Variants in EVC observed in about 807,000 individuals in gnomAD.
The protein encoded by EVC is evC complex member EVC.
EVC carries 116 observed loss-of-function variants against 118.9 expected under a neutral mutation model. The observed-to-expected ratio is 0.98, with a 90% CI of 0.84 to 1.14. The LOEUF is 1.14. Among genes scored for constraint, EVC ranks in the 50% most tolerant of loss-of-function variants. EVC has a pLI of 0.00. For synonymous variants in EVC, 619 were observed against 534.7 expected, an observed-to-expected ratio of 1.16 and a Z score of -2.18; for missense variants, 1,401 against 1,246.4, an observed-to-expected ratio of 1.12 and a Z score of -1.87.
Position 5,797,530 on chromosome 4 carries a change from C to T in EVC, c.2097+298C>T. The T allele has an allele frequency of 9.7e-6, 5 of 513,662 alleles. No individual in the cohort carries two copies. The South Asian group carries it at 1.0e-4, about 11-fold the overall frequency. The allele number at this position is 513,662 out of a possible 1,614,324, so 31.8% of individuals were successfully genotyped here. A position where few individuals can be genotyped will look rare whatever the true frequency, so the allele number is the denominator to read the frequency against. Reference sequence around the variant, plus strand: ...GATGACTGTCTTCAACCTGTGTCCTCCAGGTCCTTCCTCTGTGGGTGTCCC... The same window carrying T: ...GATGACTGTCTTCAACCTGTGTCCTTCAGGTCCTTCCTCTGTGGGTGTCCC... On this transcript the variant is annotated intron_variant, in intron 14 of 20. Coordinates refer to ENST00000264956, the MANE Select transcript of EVC (RefSeq NM_153717.3).
the EVC span, chr4:5,828,104 G>C: frequency 3.0e-6 from 3 of 985,432 alleles, no homozygotes; most frequent in Non-Finnish European, 3.6e-6. Flanking sequence ...TTTCTGAGCC[G>C]TGACTCTGGC....
rs1263330963 is a variant in EVC at position 5,798,831 on chromosome 4, A to G, written c.2304+39A>G. On this transcript the variant is annotated intron_variant, in intron 15 of 20. Transcript: ENST00000264956. This position sits in a 1 kb window ranked among gnomAD's most constrained non-coding sequence, Gnocchi z 4.1. Reference sequence around the variant, plus strand: ...TCTGTCCCTGGGGACACCGAGGGCAAGAATGTTCAGGGTAGGGTCCATGCC... The same window carrying G: ...TCTGTCCCTGGGGACACCGAGGGCAGGAATGTTCAGGGTAGGGTCCATGCC... 3.1e-6 allele frequency: 5 copies of G among 1,590,352 alleles called. No homozygotes were observed. Among genetic ancestry groups the G allele is most frequent in the African/African-American group, 1.3e-5 (1 of 74,530 alleles).
At chr4:5,805,496 C>T (rs779477409) in intron 17 of EVC, among the ~76,000 whole-genome samples, 6 of 152,212 alleles carry the variant, frequency 3.9e-5, no homozygotes, top group Non-Finnish European at 7.3e-5. Flanking sequence ...CCCTAACTTT[C>T]CAGGCTCCCA....
At chr4:5,778,069 A>G (rs1438427250) in intron 11 of EVC, among the ~76,000 whole-genome samples, 3 of 145,482 alleles carry the variant, frequency 2.1e-5, no homozygotes, top group African/African-American at 5.1e-5. Flanking sequence ...TTTCCCACCT[A>G]TGAGTGAGAA....
chr4:5,809,438 C>G, intron 18 of EVC, 80 bp from the exon 19 acceptor site: 1 of 1,281,162 alleles, frequency 7.8e-7, no homozygotes, highest in South Asian at 1.2e-5. Flanking sequence ...CCTCAAGTGT[C>G]AGAATTCACT....
chr4:5,783,432 C>T (rs1735932672), intron 11 of EVC, 120 bp from the exon 12 acceptor site: 2 of 948,194 alleles, frequency 2.1e-6, no homozygotes, highest in Non-Finnish European at 3.4e-6. Flanking sequence ...CTTGAGAGTT[C>T]CTGTCTGTGG....
Position 5,793,656 on chromosome 4 carries a change from C to G in EVC, c.1825C>G (p.Arg609Gly). The G allele has an allele frequency of 6.4e-7, 1 of 1,553,010 alleles. No individual in the cohort carries two copies. Among genetic ancestry groups the G allele is most frequent in the Non-Finnish European group, 8.7e-7 (1 of 1,147,958 alleles). Residue 609 changes from arginine (R) to glycine (G), a missense_variant, in exon 13 of 21, where the codon CGG (arginine) becomes GGG (glycine). Arg to Gly is a moderately radical substitution (Grantham distance 125). Coordinates refer to ENST00000264956, the MANE Select transcript of EVC (RefSeq NM_153717.3). The stretch of plus-strand genomic sequence containing the variant: ...GTCCAGCGTGCTGCAGACACACCTG[C>G]GGGAGGACCACGAGGGCACCATCCG... ...ALSSVLQTHLREDHEGTIRGV... is the reference protein window; with the variant it reads ...ALSSVLQTHLGEDHEGTIRGV...
At chr4:5,827,663 CACACATACACACGTGCATGCATGT>C in the EVC span, among the ~76,000 whole-genome samples, 43 of 152,130 alleles carry the variant, frequency 2.8e-4, no homozygotes, top group African/African-American at 1.0e-3. Context: ...TCCCCATATG[CACACATACACACGTGCATGCATGT>C]ACACATGCAC....
intron 17 of EVC, among the ~76,000 whole-genome samples, chr4:5,807,716 C>G (rs184108591): frequency 6.6e-6 from 1 of 152,218 alleles, no homozygotes; most frequent in East Asian, 1.9e-4. Flanking sequence ...TCTCATTTTA[C>G]GAGGGAGGGG....
chr4:5,824,443 A>G, the EVC span: 32 of 985,258 alleles, frequency 3.2e-5, no homozygotes, highest in Non-Finnish European at 3.6e-5. Context: ...CTGAATGGAT[A>G]AGAGGTTCTG....
At chr4:5,801,200 C>T (rs1002646781) in intron 15 of EVC, among the ~76,000 whole-genome samples, 19 of 152,210 alleles carry the variant, frequency 1.2e-4, no homozygotes, top group Admixed American at 6.5e-4. Context: ...CCCAGGCTGC[C>T]ACATTGGCTT....
Position 5,731,715 on chromosome 4 carries a change from G to A in EVC, c.617+58G>A, listed in dbSNP as rs1726856825. 38 of 1,493,478 alleles carry A rather than the reference G, an allele frequency of 2.5e-5. No homozygotes were observed. In the South Asian group the frequency reaches 4.3e-4, roughly 17 times the overall value. 92.5% of individuals were successfully genotyped at this position (1,493,478 alleles called of 1,614,324 possible). A position where few individuals can be genotyped will look rare whatever the true frequency, so the allele number is the denominator to read the frequency against. On this transcript the variant is annotated intron_variant, in intron 4 of 20. Coordinates refer to ENST00000264956, the MANE Select transcript of EVC (RefSeq NM_153717.3). The surrounding 1 kb of genome is among the most constrained non-coding windows in gnomAD (Gnocchi z 5.6). ...CCAGTCCTCTTGGAGTGGGCCGGGAGTCACATCATTGTCAGAGGAGGAAAC... is the reference window on the plus strand; with the variant it reads ...CCAGTCCTCTTGGAGTGGGCCGGGAATCACATCATTGTCAGAGGAGGAAAC...
In EVC at chr4:5,743,620, G is replaced by C. The variant is rs1728936210; in HGVS notation, c.802-1584G>C. Among the ~76,000 whole-genome samples, 1 of 152,064 alleles carries C rather than the reference G, an allele frequency of 6.6e-6. No homozygotes were observed. The highest frequency in any genetic ancestry group is 2.4e-5 in the African/African-American group (1 of 41,402). Reference sequence around the variant, plus strand: ...TACCACTGTGAGATCTGGGGGTTTGGGAAGGAATGTTTCTTCTTTACTCCA... The same window carrying C: ...TACCACTGTGAGATCTGGGGGTTTGCGAAGGAATGTTTCTTCTTTACTCCA... On this transcript the variant is annotated intron_variant, in intron 6 of 20. Transcript: ENST00000264956. The surrounding 1 kb of genome is among the most constrained non-coding windows in gnomAD (Gnocchi z 4.7).
At chr4:5,799,140 C>G (rs1653107153) in intron 15 of EVC, among the ~76,000 whole-genome samples, 1 of 152,178 alleles carries the variant, frequency 6.6e-6, no homozygotes, top group Non-Finnish European at 1.5e-5. Context: ...CCAAATCCCT[C>G]TCTCAGAAAG....
At chr4:5,795,371 G>C (rs1346646278) in intron 13 of EVC, among the ~76,000 whole-genome samples, 2 of 152,140 alleles carry the variant, frequency 1.3e-5, no homozygotes, top group Non-Finnish European at 2.9e-5. Context: ...GAGGATGGAG[G>C]CTGGGTGTGG....
At chr4:5,790,810 G>T (rs982081719) in intron 12 of EVC, among the ~76,000 whole-genome samples, 3 of 152,142 alleles carry the variant, frequency 2.0e-5, no homozygotes, top group African/African-American at 7.2e-5. Flanking sequence ...TTATAGTAAT[G>T]AGGCTGGGAG....
chr4:5,745,329 G>A lies in EVC; in HGVS notation c.927G>A (p.Gln309=). 1 of 1,614,016 alleles carries A rather than the reference G, an allele frequency of 6.2e-7. No individual in the cohort carries two copies. The highest frequency in any genetic ancestry group is 1.1e-5 in the South Asian group (1 of 91,086). ...AGAAGGAGAGAGAATACTCTGAACAGCTAATCGATAATGTGCGTGCCAGAC... is the reference window on the plus strand; with the variant it reads ...AGAAGGAGAGAGAATACTCTGAACAACTAATCGATAATGTGCGTGCCAGAC... ...VEKKEREYSE[Q]LIDNMEAFWK... Residue 309 remains glutamine (Q), a synonymous_variant, in exon 7 of 21, where the codon CAG becomes CAA. Transcript: ENST00000264956.
chr4:5,797,333 T>A, intron 14 of EVC, 101 bp downstream of exon 14: 1 of 1,026,236 alleles, frequency 9.7e-7, no homozygotes, highest in South Asian at 1.4e-5. Context: ...CCTATCACCC[T>A]TGGTGCTGCA....
At position 5,719,798 on chromosome 4, in the gene EVC, C is replaced by T. The variant is rs1374624499; in HGVS notation, c.300+425C>T. 6.6e-6 allele frequency among the ~76,000 whole-genome samples: 1 copy of T among 152,126 alleles called. No individual in the cohort carries two copies. The highest frequency in any genetic ancestry group is 6.5e-5 in the Admixed American group (1 of 15,272). On this transcript the variant is annotated intron_variant, in intron 2 of 20. Coordinates refer to ENST00000264956, the MANE Select transcript of EVC (RefSeq NM_153717.3). This position sits in a 1 kb window ranked among gnomAD's most constrained non-coding sequence, Gnocchi z 4.7. ...GATGTTTCCCTTTCGTTGTGTGTAT[C>T]AATAATTCACCCATTTTTATTGCTC...
Sources: gnomAD v4.1 joint callset for allele counts (sites outside exome capture counted in the v4.1 genomes callset) on GRCh38, gnomAD v4.1.1 for gene constraint, Gnocchi (gnomAD v3.1) non-coding constraint, MANE v1.5 for transcripts, NCBI Gene and HGNC (gene_info 2026-07-23, HGNC 2026-07-21) for gene names.